PCDH11X: variants seen among roughly 807,000 people sequenced by gnomAD.
The protein encoded by PCDH11X is protocadherin-11 X-linked.
Under a neutral mutation model 53.3 loss-of-function variants are expected in PCDH11X, and 18 were observed. The observed-to-expected ratio is 0.34, with a 90% CI of 0.23 to 0.50. The LOEUF (loss-of-function observed/expected upper bound fraction) is 0.50, where lower values mean the gene tolerates loss of function less well. Ranked by LOEUF, PCDH11X falls within the 20% of genes least tolerant of loss-of-function variation. The probability of loss-of-function intolerance (pLI) is 0.98; values close to 1 mark genes in which losing one functional copy is unlikely to be tolerated. For synonymous variants in PCDH11X, 279 were observed against 393.3 expected, an observed-to-expected ratio of 0.71 and a Z score of 3.44; for missense variants, 570 against 1,032.4, an observed-to-expected ratio of 0.55 and a Z score of 6.14.
At chrX:92,543,531 C>T (rs2074791846) in intron 10 of PCDH11X, among the ~76,000 whole-genome samples, 1 of 106,701 alleles carries the variant, frequency 9.4e-6, no homozygotes, top group Non-Finnish European at 1.9e-5. Context: ...TAAAAACACT[C>T]TAAATAGACT....
At chrX:92,522,008 C>T in intron 10 of PCDH11X, among the ~76,000 whole-genome samples, 1 of 112,276 alleles carries the variant, frequency 8.9e-6, no homozygotes, top group East Asian at 2.8e-4. Context: ...CTAAAACTTT[C>T]TCAATATTAG....
At chrX:91,860,044 C>T (rs1938575268) in intron 5 of PCDH11X, among the ~76,000 whole-genome samples, 1 of 108,759 alleles carries the variant, frequency 9.2e-6, no homozygotes, top group Admixed American at 9.9e-5. Flanking sequence ...CTATAAATTA[C>T]TTTGGGCAGT....
chrX:92,063,729 T>G (rs1377864186), intron 6 of PCDH11X, among the ~76,000 whole-genome samples: 1 of 111,655 alleles, frequency 9.0e-6, no homozygotes, highest in Non-Finnish European at 1.9e-5. Flanking sequence ...AGAATTTACT[T>G]GTTTCTTCTT....
chrX:92,078,513 T>A (rs899761587), intron 6 of PCDH11X, among the ~76,000 whole-genome samples: 4 of 110,701 alleles, frequency 3.6e-5, no homozygotes, highest in African/African-American at 1.3e-4. Context: ...TGCTAATGAG[T>A]GATTCTTAGG....
chrX:92,369,221 C>T (rs2754841), intron 8 of PCDH11X, among the ~76,000 whole-genome samples: 46,661 of 105,442 alleles, frequency 0.44, 8,764 homozygotes, highest in Non-Finnish European at 0.49. Flanking sequence ...TGCCCAGTGA[C>T]GAGGAATCTA....
intron 9 of PCDH11X, among the ~76,000 whole-genome samples, chrX:92,407,537 ATATC>A: frequency 9.0e-6 from 1 of 111,568 alleles, no homozygotes; most frequent in South Asian, 3.8e-4. Flanking sequence ...ATATGGTTGA[ATATC>A]TATTCAAAAA....
intron 6 of PCDH11X, among the ~76,000 whole-genome samples, chrX:92,080,823 G>A (rs1408193647): frequency 2.7e-5 from 3 of 111,129 alleles, no homozygotes; most frequent in East Asian, 5.7e-4. Flanking sequence ...AAGGCAAAGC[G>A]GCTTTGGCTA....
At chrX:92,430,859 G>A (rs2072236310) in intron 9 of PCDH11X, among the ~76,000 whole-genome samples, 2 of 108,192 alleles carry the variant, frequency 1.8e-5, no homozygotes, top group Non-Finnish European at 3.9e-5. Flanking sequence ...GTAATGCATG[G>A]TAGCATATGT....
At chrX:91,803,218 T>C (rs1371572304) in intron 1 of PCDH11X, among the ~76,000 whole-genome samples, 1 of 111,607 alleles carries the variant, frequency 9.0e-6, no homozygotes, top group Non-Finnish European at 1.9e-5. Flanking sequence ...TGCAGATTTA[T>C]TGTGTCTGCA....
chrX:92,554,619 T>C (rs1190936016), intron 10 of PCDH11X, among the ~76,000 whole-genome samples: 3 of 109,468 alleles, frequency 2.7e-5, no homozygotes, highest in Non-Finnish European at 5.7e-5. Context: ...AATTTTTAAA[T>C]TGATATATTA....
chrX:91,796,660 CAA>C (rs770756305), intron 1 of PCDH11X, among the ~76,000 whole-genome samples: 3 of 110,947 alleles, frequency 2.7e-5, no homozygotes, highest in African/African-American at 9.8e-5. Flanking sequence ...CATTTTGAAC[CAA>C]AGATTATGGT....
intron 9 of PCDH11X, among the ~76,000 whole-genome samples, chrX:92,409,689 A>C (rs2071601755): frequency 8.9e-6 from 1 of 112,268 alleles, no homozygotes; most frequent in Admixed American, 9.4e-5. Context: ...CATTATATTG[A>C]ATCATGCTTT....
chrX:91,795,830 G>A (rs1357508004), intron 1 of PCDH11X, among the ~76,000 whole-genome samples: 3 of 111,237 alleles, frequency 2.7e-5, no homozygotes, highest in African/African-American at 9.8e-5. Flanking sequence ...AGGTCCCTAT[G>A]ACTTAAGACC....
intron 6 of PCDH11X, among the ~76,000 whole-genome samples, chrX:91,969,269 C>G (rs1406419722): frequency 9.1e-6 from 1 of 110,399 alleles, no homozygotes; most frequent in African/African-American, 3.3e-5. Flanking sequence ...TTTGCAAGCC[C>G]AAGGACAACA....
At chrX:91,798,427 A>G (rs1480282320) in intron 1 of PCDH11X, 2 of 110,530 alleles carry the variant, frequency 1.8e-5, no homozygotes, top group Non-Finnish European at 3.8e-5. Context: ...CATCTCTACT[A>G]AAAATACAAA....
intron 8 of PCDH11X, among the ~76,000 whole-genome samples, chrX:92,367,807 A>G (rs1384001708): frequency 6.3e-5 from 7 of 111,632 alleles, no homozygotes; most frequent in Non-Finnish European, 1.3e-4. Flanking sequence ...TTTCTTTAAG[A>G]ATGTTGAATA....
intron 6 of PCDH11X, among the ~76,000 whole-genome samples, chrX:92,073,772 A>G (rs1602830458): frequency 8.9e-6 from 1 of 111,782 alleles, no homozygotes; most frequent in East Asian, 2.8e-4. Flanking sequence ...GTTAATCCGG[A>G]TATTTCAACA....
chrX:92,115,231 T>G (rs1341073719), intron 6 of PCDH11X, among the ~76,000 whole-genome samples: 1 of 110,907 alleles, frequency 9.0e-6, no homozygotes. Context: ...CTACTTTATA[T>G]TGCAGTTATC....
At chrX:92,217,325 AC>A (rs2066742297) in intron 7 of PCDH11X, among the ~76,000 whole-genome samples, 1 of 108,334 alleles carries the variant, frequency 9.2e-6, no homozygotes, top group African/African-American at 3.4e-5. Context: ...GTGCAGAGAC[AC>A]ACATAGGCTC....
Sources: gnomAD v4.1 joint callset for allele counts (sites outside exome capture counted in the v4.1 genomes callset) on GRCh38, gnomAD v4.1.1 for gene constraint, MANE v1.5 for transcripts, NCBI Gene and HGNC (gene_info 2026-07-23, HGNC 2026-07-21) for gene names.